FRK: variants seen among roughly 807,000 people sequenced by gnomAD.
FRK encodes fyn related Src family tyrosine kinase.
FRK carries 51 observed loss-of-function variants against 56.4 expected under a neutral mutation model. That is an observed-to-expected ratio of 0.90 (90% CI 0.72 to 1.14). The LOEUF (loss-of-function observed/expected upper bound fraction) is 1.14, where lower values mean the gene tolerates loss of function less well. Among genes scored for constraint, FRK ranks in the 50% most tolerant of loss-of-function variants. The pLI, the probability that FRK is intolerant of heterozygous loss-of-function variation, is 0.00. For synonymous variants in FRK, 245 were observed against 217.9 expected, an observed-to-expected ratio of 1.12 and a Z score of -1.10; for missense variants, 570 against 601.4, an observed-to-expected ratio of 0.95 and a Z score of 0.55.
chr6:115,954,268 C>G (rs762274496), intron 5 of FRK, among the ~76,000 whole-genome samples: 1 of 152,090 alleles, frequency 6.6e-6, no homozygotes, highest in Non-Finnish European at 1.5e-5. Context: ...AAGATGAGAT[C>G]CGAGAGGGAA....
At position 115,932,696 on chromosome 6, in the gene FRK, G is replaced by T. The variant is rs1226129475; in HGVS notation, c.*9718C>A. 6.6e-6 allele frequency: 1 copy of T among 152,194 alleles called. No individual in the cohort carries two copies. The highest frequency in any genetic ancestry group is 6.5e-5 in the Admixed American group (1 of 15,272). The allele number at this position is 152,194 out of a possible 1,614,324, so 9.4% of individuals were successfully genotyped here. ...CAACCAGACCATGAAAAAAGTGATT[G>T]TAGGTATGGCATATGCTTAACAAAC... On this transcript the variant is annotated 3_prime_UTR_variant, in exon 8 of 8. Coordinates refer to ENST00000606080, the MANE Select transcript of FRK (RefSeq NM_002031.3).
At chr6:115,992,773 G>C (rs940038952) in intron 2 of FRK, among the ~76,000 whole-genome samples, 1 of 151,714 alleles carries the variant, frequency 6.6e-6, no homozygotes, top group Non-Finnish European at 1.5e-5. Flanking sequence ...CAAACGATTA[G>C]ACAAGAAATG....
Position 115,938,601 on chromosome 6 carries a change from C to G in FRK, c.*3813G>C, listed in dbSNP as rs199975684. On this transcript the variant is annotated 3_prime_UTR_variant, in exon 8 of 8. Transcript: ENST00000606080. ...CAGACTAATAAAGAAGAAAAGAGAG[C>G]AGAATCAAATAGACACAATAAAAAA... 2 of 151,890 alleles carry G rather than the reference C, an allele frequency of 1.3e-5. No homozygotes were observed. The highest frequency in any genetic ancestry group is 4.8e-5 in the African/African-American group (2 of 41,370). 9.4% of individuals were successfully genotyped at this position (151,890 alleles called of 1,614,324 possible). A position where few individuals can be genotyped will look rare whatever the true frequency, so the allele number is the denominator to read the frequency against.
chr6:115,966,094 A>AAGT (rs1773564890), intron 4 of FRK, among the ~76,000 whole-genome samples: 1 of 139,504 alleles, frequency 7.2e-6, no homozygotes, highest in African/African-American at 2.6e-5. Context: ...AAAAAAAAAG[A>AAGT]AGTATTTATC....
chr6:115,958,768 A>AAAGAAAGAAAGAAAGAAAGAG (rs1292819468), intron 4 of FRK, among the ~76,000 whole-genome samples: 1 of 80,700 alleles, frequency 1.2e-5, no homozygotes, highest in African/African-American at 5.3e-5. Flanking sequence ...AGAAAGAAAG[A>AAAGAAAGAAAGAAAGAAAGAG]GGGGGGGGAA....
At chr6:115,978,039 A>G (rs1442192360) in intron 2 of FRK, among the ~76,000 whole-genome samples, 1 of 152,152 alleles carries the variant, frequency 6.6e-6, no homozygotes, top group African/African-American at 2.4e-5. Flanking sequence ...ACAGCATCTC[A>G]TATTGCAGAG....
rs555004772 is a variant in FRK, at chr6:115,949,671, G to T, written c.959-5246C>A. ...TACCACTGACTTTCTTCATGATTCA[G>T]AAAAAACTTCTTTAAATTTCATATG... On this transcript the variant is annotated intron_variant, in intron 5 of 7. Coordinates refer to ENST00000606080, the MANE Select transcript of FRK (RefSeq NM_002031.3). 2.0e-5 allele frequency among the ~76,000 whole-genome samples: 3 copies of T among 152,204 alleles called. No homozygotes were observed. In the South Asian group the frequency reaches 6.2e-4, roughly 32 times the overall value.
chr6:115,976,686 T>C (rs1209063627), intron 2 of FRK, among the ~76,000 whole-genome samples: 1 of 152,186 alleles, frequency 6.6e-6, no homozygotes, highest in East Asian at 1.9e-4. Flanking sequence ...CCTAATCTTA[T>C]TCTGCCAGTG....
chr6:116,072,255 A>C, the FRK span, among the ~76,000 whole-genome samples: 760 of 152,264 alleles, frequency 5.0e-3, 5 homozygotes, highest in African/African-American at 0.017. Context: ...TTGGAAAAAA[A>C]CATTGAAAAA....
At chr6:116,076,967 A>G in the FRK span, among the ~76,000 whole-genome samples, 1 of 152,202 alleles carries the variant, frequency 6.6e-6, no homozygotes, top group African/African-American at 2.4e-5. Flanking sequence ...TGAAAAATCC[A>G]TCTCCCAATT....
At chr6:116,063,071 T>G (rs1777677977), upstream of FRK, among the ~76,000 whole-genome samples, 1 of 152,164 alleles carries the variant, frequency 6.6e-6, no homozygotes, top group Non-Finnish European at 1.5e-5. Context: ...GTAGTTTTTA[T>G]AATAGTAACA....
At chr6:116,002,978 G>A (rs761739455) in intron 2 of FRK, among the ~76,000 whole-genome samples, 6 of 152,100 alleles carry the variant, frequency 3.9e-5, no homozygotes, top group African/African-American at 9.7e-5. Context: ...GCATCATGAC[G>A]GCTGCCCTGA....
intron 5 of FRK, among the ~76,000 whole-genome samples, chr6:115,950,507 G>T (rs1027436165): frequency 6.6e-6 from 1 of 152,280 alleles, no homozygotes; most frequent in Non-Finnish European, 1.5e-5. Flanking sequence ...TCATTAAAAA[G>T]TCAGGAAACA....
chr6:116,097,772 A>T, the FRK span, among the ~76,000 whole-genome samples: 1 of 152,186 alleles, frequency 6.6e-6, no homozygotes, highest in Admixed American at 6.5e-5. Context: ...AAACAAAAAA[A>T]CTCTAAAACT....
At chr6:116,001,645 A>C (rs1235876720) in intron 2 of FRK, among the ~76,000 whole-genome samples, 1 of 152,224 alleles carries the variant, frequency 6.6e-6, no homozygotes, top group Non-Finnish European at 1.5e-5. Context: ...TTGACCACTC[A>C]GAACTAAGCA....
At chr6:116,002,356 C>G (rs1015658432) in intron 2 of FRK, among the ~76,000 whole-genome samples, 1 of 152,178 alleles carries the variant, frequency 6.6e-6, no homozygotes, top group Admixed American at 6.5e-5. Context: ...TGGTGACTCA[C>G]GCCTGTAATC....
intron 5 of FRK, among the ~76,000 whole-genome samples, chr6:115,954,252 T>C (rs1159601970): frequency 6.6e-6 from 1 of 152,056 alleles, no homozygotes; most frequent in Admixed American, 6.5e-5. Context: ...CAAGGAGAAG[T>C]TGTAGAAGAT....
chr6:116,016,559 TTG>T (rs149504212), intron 1 of FRK, among the ~76,000 whole-genome samples: 3 of 150,676 alleles, frequency 2.0e-5, no homozygotes, highest in Admixed American at 6.6e-5. Flanking sequence ...GTGTGTGTGT[TTG>T]TGTGTGTGTG....
chr6:115,973,955 A>G (rs1240342543), intron 2 of FRK, among the ~76,000 whole-genome samples: 1 of 152,080 alleles, frequency 6.6e-6, no homozygotes, highest in Non-Finnish European at 1.5e-5. Flanking sequence ...CCACAAAGTT[A>G]TAAAAATATA....
Sources: allele counts gnomAD v4.1 joint callset (sites outside exome capture counted in the v4.1 genomes callset), GRCh38; gene constraint gnomAD v4.1.1; transcripts MANE v1.5; gene names NCBI Gene and HGNC (gene_info 2026-07-23, HGNC 2026-07-21).